Variants in TPRG1 observed in about 807,000 individuals in gnomAD.
TPRG1 encodes tumor protein p63-regulated gene 1 protein.
TPRG1 carries 29 observed loss-of-function variants against 29.3 expected under a neutral mutation model. That is an observed-to-expected ratio of 0.99 (90% confidence interval 0.74 to 1.35). TPRG1 has a LOEUF of 1.35. Ranked by LOEUF, TPRG1 falls within the 40% of genes most tolerant of loss-of-function variation. The probability of loss-of-function intolerance (pLI) is 0.00; values close to 1 mark genes in which losing one functional copy is unlikely to be tolerated. For missense variants in TPRG1, 327 were observed against 335.0 expected (o/e 0.98, Z 0.19); for synonymous variants, 130 against 116.8 (o/e 1.11, Z -0.73).
At chr3:189,142,219 G>A (rs200154373) in intron 3 of TPRG1, among the ~76,000 whole-genome samples, 1 of 152,178 alleles carries the variant, frequency 6.6e-6, no homozygotes, top group Admixed American at 6.5e-5. Flanking sequence ...GTGATGCGAG[G>A]TGGTGGTGAG....
intron 4 of TPRG1, among the ~76,000 whole-genome samples, chr3:189,080,510 TA>T (rs1370252357): frequency 6.6e-6 from 1 of 152,016 alleles, no homozygotes; most frequent in Non-Finnish European, 1.5e-5. Flanking sequence ...ACCCAAAAGC[TA>T]GAGGGCAAGG....
intron 4 of TPRG1, among the ~76,000 whole-genome samples, chr3:189,149,264 A>G (rs565470988): frequency 6.6e-6 from 1 of 152,298 alleles, no homozygotes; most frequent in African/African-American, 2.4e-5. Context: ...GCATCACTGT[A>G]TGCTGTCTAA....
intron 3 of TPRG1, among the ~76,000 whole-genome samples, chr3:189,005,673 G>T (rs1712250139): frequency 6.6e-6 from 1 of 152,076 alleles, no homozygotes; most frequent in Non-Finnish European, 1.5e-5. Context: ...TGTGGCTAAG[G>T]AGATTCATTT....
At chr3:189,152,576 A>G (rs1271700028) in intron 5 of TPRG1, among the ~76,000 whole-genome samples, 2 of 152,058 alleles carry the variant, frequency 1.3e-5, no homozygotes, top group African/African-American at 4.8e-5. Flanking sequence ...TAGGATTGCT[A>G]CCAGCCATTA....
intron 4 of TPRG1, among the ~76,000 whole-genome samples, chr3:189,300,847 C>G (rs537950787): frequency 6.6e-6 from 1 of 152,308 alleles, no homozygotes; most frequent in East Asian, 1.9e-4. Flanking sequence ...GCTCATGGCT[C>G]TTGACCGGAA....
chr3:189,064,392 C>T (rs1167073997), intron 4 of TPRG1, among the ~76,000 whole-genome samples: 1 of 151,826 alleles, frequency 6.6e-6, no homozygotes, highest in African/African-American at 2.4e-5. Context: ...AAAGTTGGAG[C>T]AACTCAGGAC....
In TPRG1 at chr3:189,272,082, C is replaced by T. The variant is rs373885545; in HGVS notation, c.479+33173C>T. 3.3e-5 allele frequency among the ~76,000 whole-genome samples: 5 copies of T among 152,196 alleles called. No homozygotes were observed. The South Asian group carries it at 8.3e-4, about 25-fold the overall frequency. On this transcript the variant is annotated intron_variant, in intron 4 of 5. Transcript: ENST00000345063. ...TATAGTTTACAGCACAGATGTCCCACATGATATAGGAGTACAACTTAGTTC... is the reference window on the plus strand; with the variant it reads ...TATAGTTTACAGCACAGATGTCCCATATGATATAGGAGTACAACTTAGTTC...
chr3:189,237,845 A>T (rs1739780434), intron 3 of TPRG1, among the ~76,000 whole-genome samples: 1 of 152,164 alleles, frequency 6.6e-6, no homozygotes, highest in African/African-American at 2.4e-5. Flanking sequence ...CAACATTTTC[A>T]GTTTTTTAGG....
chr3:189,019,435 G>T lies in TPRG1; in HGVS notation c.-659-4315G>T, dbSNP rs1337643636. On this transcript the variant is annotated intron_variant, in intron 3 of 10. Coordinates refer to the TPRG1 transcript ENST00000433971. ...ATACCTAATTTATTGAGAGTTTTTA[G>T]CATGAAGAGTTGTTGAATTTTGTCA... 5.3e-5 allele frequency among the ~76,000 whole-genome samples: 8 copies of T among 152,282 alleles called. No homozygotes were observed. In the East Asian group the frequency reaches 1.5e-3, roughly 29 times the overall value.
At chr3:189,268,366 C>G (rs1714494824) in intron 4 of TPRG1, among the ~76,000 whole-genome samples, 1 of 152,142 alleles carries the variant, frequency 6.6e-6, no homozygotes, top group African/African-American at 2.4e-5. Flanking sequence ...AGGCGTTCCC[C>G]AAATACCACA....
intron 3 of TPRG1, among the ~76,000 whole-genome samples, chr3:189,221,393 T>G (rs1736918000): frequency 6.6e-6 from 1 of 152,186 alleles, no homozygotes. Flanking sequence ...GCCCTTCCAC[T>G]GTTGTGCAAA....
At chr3:189,157,003 A>G (rs558275345) in intron 5 of TPRG1, among the ~76,000 whole-genome samples, 6 of 152,280 alleles carry the variant, frequency 3.9e-5, no homozygotes, top group African/African-American at 1.4e-4. Flanking sequence ...CAAAAGTCAT[A>G]CTATTGTAGT....
chr3:189,152,373 A>C (rs1449691276), intron 5 of TPRG1, among the ~76,000 whole-genome samples: 2 of 152,180 alleles, frequency 1.3e-5, no homozygotes, highest in African/African-American at 4.8e-5. Context: ...GGCAGATTCT[A>C]CTATACAGAC....
chr3:188,997,631 C>T lies in TPRG1; in HGVS notation c.-1015-3143C>T, dbSNP rs181602747. Among the ~76,000 whole-genome samples, 353 of 152,230 alleles carry T rather than the reference C, an allele frequency of 2.3e-3. 1 individual carries two copies. Among genetic ancestry groups the T allele is most frequent in the Non-Finnish European group, 3.2e-3 (216 of 68,012 alleles). Reference sequence around the variant, plus strand: ...GATGAGTTGGTCACCCTCGATCTGACTCAAGTAATTCACTGTCTGAGATAG... The same window carrying T: ...GATGAGTTGGTCACCCTCGATCTGATTCAAGTAATTCACTGTCTGAGATAG... On this transcript the variant is annotated intron_variant, in intron 1 of 10. Coordinates refer to the TPRG1 transcript ENST00000433971.
rs150724127 is a variant in TPRG1, at chr3:189,183,376, G to A, written c.-10+11245G>A. Among the ~76,000 whole-genome samples, 12 of 152,208 alleles carry A rather than the reference G, an allele frequency of 7.9e-5. No individual in the cohort carries two copies. The East Asian group carries it at 1.2e-3, about 15-fold the overall frequency. Reference sequence around the variant, plus strand: ...GGCAAGATCACAGCACCACAGGACCGGGGCAAAATTAAGATTGCTAATGAA... The same window carrying A: ...GGCAAGATCACAGCACCACAGGACCAGGGCAAAATTAAGATTGCTAATGAA... On this transcript the variant is annotated intron_variant, in intron 1 of 5. Coordinates refer to ENST00000345063, the MANE Select transcript of TPRG1 (RefSeq NM_198485.4).
chr3:189,303,816 CT>C (rs1480745624), intron 4 of TPRG1, among the ~76,000 whole-genome samples: 7 of 152,134 alleles, frequency 4.6e-5, no homozygotes, highest in Non-Finnish European at 1.0e-4. Context: ...GAAACTTTGT[CT>C]TCCTCTCTTC....
chr3:189,183,588 T>A (rs183558498), intron 1 of TPRG1, among the ~76,000 whole-genome samples: 1 of 152,080 alleles, frequency 6.6e-6, no homozygotes, highest in East Asian at 1.9e-4. Flanking sequence ...AAGGGGGCCA[T>A]CTATAGACCC....
In TPRG1 at chr3:189,051,889, C is replaced by T. The variant is rs775883209; in HGVS notation, c.-463+27943C>T. Among the ~76,000 whole-genome samples, 112 of 152,252 alleles carry T rather than the reference C, an allele frequency of 7.4e-4. 3 individuals are homozygous for T. Among genetic ancestry groups the T allele is most frequent in the Non-Finnish European group, 2.1e-4 (14 of 68,004 alleles). On this transcript the variant is annotated intron_variant, in intron 4 of 10. Coordinates refer to the TPRG1 transcript ENST00000433971. ...AATGGTGCTGGAGTGATTGGCTAGC[C>T]ACATGTAGGAGAATGAAACTGGATC...
At chr3:189,234,549 T>C (rs1739154711) in intron 3 of TPRG1, among the ~76,000 whole-genome samples, 2 of 152,236 alleles carry the variant, frequency 1.3e-5, no homozygotes, top group African/African-American at 4.8e-5. Context: ...TGATTGTTTA[T>C]TGACAGAAAA....
Sources: allele counts gnomAD v4.1 joint callset (sites outside exome capture counted in the v4.1 genomes callset), GRCh38; gene constraint gnomAD v4.1.1; transcripts MANE v1.5; gene names NCBI Gene and HGNC (gene_info 2026-07-23, HGNC 2026-07-21).